The following NFXL1 variants were observed in gnomAD, a reference collection of about 807,000 sequenced individuals.
NFXL1 encodes nuclear transcription factor, X-box binding like 1.
NFXL1 carries 66 observed loss-of-function variants against 123.3 expected under a neutral mutation model. That is an observed-to-expected ratio of 0.54 (90% CI 0.44 to 0.66). NFXL1 has a LOEUF of 0.66. Ranked by LOEUF, NFXL1 falls within the 30% of genes least tolerant of loss-of-function variation. NFXL1 has a pLI of 0.00. For synonymous variants in NFXL1, 346 were observed against 360.8 expected (o/e 0.96, Z 0.46); for missense variants, 944 against 1,125.6 (o/e 0.84, Z 2.31).
At chr4:47,912,461 C>CTTT (rs11344755) in intron 2 of NFXL1, among the ~76,000 whole-genome samples, 1 of 117,872 alleles carries the variant, frequency 8.5e-6, no homozygotes, top group Admixed American at 8.8e-5. Context: ...TCTTTTCTTT[C>CTTT]TTTTTTTTTT....
chr4:47,890,851 G>C, intron 11 of NFXL1, 148 bp from the exon 12 acceptor site: 1 of 575,548 alleles, frequency 1.7e-6, no homozygotes, highest in South Asian at 2.2e-5. Context: ...CTTCTGGTAA[G>C]TAAACATACT....
chr4:47,848,166 A>G lies in NFXL1; in HGVS notation c.2733T>C (p.Asn911=). The change falls in exon 23 of 23, where the codon AAT becomes AAC. Residue 911 remains asparagine (N), a synonymous_variant. Coordinates refer to ENST00000507489, the MANE Select transcript of NFXL1 (RefSeq NM_001278624.2). ...CATTAAAAGATCAAAACTTTTTTTA[A>G]TTGACATCATGGGTGATGTACCAGG... ...VFAWYITHDV[N] 6.5e-7 allele frequency: 1 copy of G among 1,548,880 alleles called. No homozygotes were observed.
intron 3 of NFXL1, among the ~76,000 whole-genome samples, chr4:47,909,305 T>G (rs1383235570): frequency 6.6e-6 from 1 of 152,200 alleles, no homozygotes; most frequent in Non-Finnish European, 1.5e-5. Context: ...ACAATGCTGC[T>G]TTTTCCCCAT....
At chr4:47,881,079 A>C (rs1339005324) in intron 15 of NFXL1, among the ~76,000 whole-genome samples, 1 of 152,050 alleles carries the variant, frequency 6.6e-6, no homozygotes, top group Non-Finnish European at 1.5e-5. Flanking sequence ...ATTGTTAACT[A>C]TAGATAACAA....
rs1488168669 is a variant in NFXL1 at position 47,886,100 on chromosome 4, TACA to T, written c.1544-104_1544-102del. 1.3e-5 allele frequency: 13 copies of T among 1,024,382 alleles called. No homozygotes were observed. The Admixed American group carries it at 2.2e-4, about 17-fold the overall frequency. The allele number at this position is 1,024,382 out of a possible 1,614,324, so 63.5% of individuals were successfully genotyped here. ...AGTATATTCACACAATGGGATACTC[TACA>T]ACAAGAATGAAGAAACTACAACAAC... On this transcript the variant is annotated intron_variant, in intron 12 of 22. Coordinates refer to ENST00000507489, the MANE Select transcript of NFXL1 (RefSeq NM_001278624.2).
At chr4:47,885,464 A>G in intron 14 of NFXL1, 34 bp downstream of exon 14, 1 of 1,528,390 alleles carries the variant, frequency 6.5e-7, no homozygotes, top group Non-Finnish European at 9.0e-7. Flanking sequence ...ACCCACAGCA[A>G]TGCACTATTT....
chr4:47,855,023 T>C lies in NFXL1; in HGVS notation c.2421+36A>G, dbSNP rs7690499. 0.4 allele frequency: 366,900 copies of C among 918,994 alleles called. 78,696 individuals carry two copies. The highest frequency in any genetic ancestry group is 0.45 in the Non-Finnish European group (270,170 of 606,168). The allele number at this position is 918,994 out of a possible 1,614,324, so 56.9% of individuals were successfully genotyped here. On this transcript the variant is annotated intron_variant, in intron 20 of 22. Transcript: ENST00000507489. The stretch of plus-strand genomic sequence containing the variant: ...AAGAAAACCACACAAAAACAACTTA[T>C]ATAGAAAAGTATTTTCAATAACTTA...
At chr4:47,894,592 A>ACAT (rs1736971394) in intron 10 of NFXL1, among the ~76,000 whole-genome samples, 1 of 151,998 alleles carries the variant, frequency 6.6e-6, no homozygotes. Context: ...TACAACCATA[A>ACAT]CATCTGCAAC....
intron 19 of NFXL1, among the ~76,000 whole-genome samples, chr4:47,859,631 AG>A (rs1734606774): frequency 2.0e-5 from 3 of 152,084 alleles, no homozygotes. Flanking sequence ...CCACGAGTTC[AG>A]GGGTTCAAGA....
intron 3 of NFXL1, among the ~76,000 whole-genome samples, 175 bp downstream of exon 3, chr4:47,910,649 T>C (rs1737783885): frequency 6.6e-6 from 1 of 152,192 alleles, no homozygotes; most frequent in Admixed American, 6.5e-5. Context: ...ATAGAAAAAT[T>C]AGTGTTACAC....
At chr4:47,904,208 C>A (rs190934940) in intron 4 of NFXL1, among the ~76,000 whole-genome samples, 2 of 152,240 alleles carry the variant, frequency 1.3e-5, no homozygotes, top group Admixed American at 6.5e-5. Flanking sequence ...CCAGGGGACC[C>A]TCTGTAAAAC....
At chr4:47,907,512 T>A (rs1288158273) in intron 3 of NFXL1, among the ~76,000 whole-genome samples, 2 of 152,204 alleles carry the variant, frequency 1.3e-5, no homozygotes, top group African/African-American at 4.8e-5. Flanking sequence ...TGTGCTCAAA[T>A]AAAAATGAAC....
chr4:47,874,742 C>T (rs539481762), intron 18 of NFXL1, among the ~76,000 whole-genome samples: 1 of 152,066 alleles, frequency 6.6e-6, no homozygotes, highest in South Asian at 2.1e-4. Context: ...CAGTATCTGC[C>T]AAGTACAATA....
In NFXL1 at chr4:47,847,621, A is replaced by G. The variant is rs1733884650; in HGVS notation, c.*542T>C. On this transcript the variant is annotated 3_prime_UTR_variant, in exon 23 of 23. Transcript: ENST00000507489. The stretch of plus-strand genomic sequence containing the variant: ...CTATATATTCTGAAGAACACGCCCC[A>G]TGACATTTATTGATAAAAATTCCTC... The G allele has an allele frequency of 6.6e-6, 1 of 152,654 alleles. No individual in the cohort carries two copies. Among genetic ancestry groups the G allele is most frequent in the African/African-American group, 2.4e-5 (1 of 41,470 alleles). 9.5% of individuals were successfully genotyped at this position (152,654 alleles called of 1,614,324 possible). A position where few individuals can be genotyped will look rare whatever the true frequency, so the allele number is the denominator to read the frequency against.
chr4:47,896,482 T>G lies in NFXL1; in HGVS notation c.1329+41A>C, dbSNP rs938681411. The G allele has an allele frequency of 4.6e-6, 7 of 1,511,534 alleles. No individual in the cohort carries two copies. The African/African-American group carries it at 9.6e-5, about 21-fold the overall frequency. 93.6% of individuals were successfully genotyped at this position (1,511,534 alleles called of 1,614,324 possible). ...GACAATCTCATTTGATACATTATGA[T>G]AGGTAGCTCTTAAAAGTAATTATTA... On this transcript the variant is annotated intron_variant, in intron 10 of 22. Transcript: ENST00000507489.
chr4:47,875,577 A>C (rs748534987), intron 17 of NFXL1, among the ~76,000 whole-genome samples: 14 of 152,176 alleles, frequency 9.2e-5, no homozygotes, highest in Non-Finnish European at 1.6e-4. Context: ...GGACTATATA[A>C]AGTATCCCAC....
chr4:47,869,788 C>T (rs1330312158), intron 18 of NFXL1, among the ~76,000 whole-genome samples: 1 of 151,750 alleles, frequency 6.6e-6, no homozygotes, highest in Non-Finnish European at 1.5e-5. Flanking sequence ...AATCAAAATC[C>T]TAAGTTTTTT....
At chr4:47,898,881 C>T in intron 7 of NFXL1, 24 bp from the exon 8 acceptor site, 1 of 1,610,264 alleles carries the variant, frequency 6.2e-7, no homozygotes, top group Admixed American at 1.7e-5. Context: ...GATAAATTAG[C>T]ACAGAAACAT....
chr4:47,861,024 T>TG (rs1205591991), intron 19 of NFXL1, among the ~76,000 whole-genome samples: 37 of 151,306 alleles, frequency 2.4e-4, no homozygotes, highest in Non-Finnish European at 4.4e-4. Context: ...GGCTATTTTT[T>TG]TTTTTTTGTA....
Sources: gnomAD v4.1 joint callset for allele counts (sites outside exome capture counted in the v4.1 genomes callset) on GRCh38, gnomAD v4.1.1 for gene constraint, MANE v1.5 for transcripts, NCBI Gene and HGNC (gene_info 2026-07-23, HGNC 2026-07-21) for gene names.